COL23A1: variants seen among roughly 807,000 people sequenced by gnomAD.
COL23A1 encodes collagen type XXIII alpha 1 chain, also known as collagen alpha-1(XXIII) chain.
COL23A1 carries 97 observed loss-of-function variants against 99.3 expected under a neutral mutation model. The ratio of observed to expected loss-of-function variants is 0.98; its 90% CI spans 0.83 to 1.16. The LOEUF (loss-of-function observed/expected upper bound fraction) is 1.16. COL23A1 is among the 50% of genes most tolerant of loss of function. The probability of loss-of-function intolerance (pLI) is 0.00; values close to 1 mark genes in which losing one functional copy is unlikely to be tolerated. For missense variants in COL23A1, 762 were observed against 757.4 expected (o/e 1.01, Z -0.07); for synonymous variants, 320 against 308.2 (o/e 1.04, Z -0.40).
At chr5:178,362,256 G>A (rs1227391794) in intron 2 of COL23A1, among the ~76,000 whole-genome samples, 1 of 152,168 alleles carries the variant, frequency 6.6e-6, no homozygotes, top group Non-Finnish European at 1.5e-5. Context: ...TGAATGGAGG[G>A]AGGCTGAGTT....
intron 3 of COL23A1, among the ~76,000 whole-genome samples, chr5:178,297,164 G>A (rs1306687213): frequency 2.0e-5 from 3 of 152,236 alleles, no homozygotes; most frequent in Non-Finnish European, 4.4e-5. Flanking sequence ...TCCTGCAGCC[G>A]GCATGGCATG....
intron 2 of COL23A1, among the ~76,000 whole-genome samples, chr5:178,535,108 G>A (rs1397096794): frequency 6.6e-6 from 1 of 151,684 alleles, no homozygotes; most frequent in Non-Finnish European, 1.5e-5. Flanking sequence ...CAGTAGCTGG[G>A]ATTACAGGCG....
chr5:178,552,930 G>A (rs1762079961), intron 2 of COL23A1, among the ~76,000 whole-genome samples: 1 of 151,910 alleles, frequency 6.6e-6, no homozygotes, highest in South Asian at 2.1e-4. Context: ...GGATGGTCTT[G>A]ATCTTCTGAC....
intron 2 of COL23A1, among the ~76,000 whole-genome samples, chr5:178,454,710 C>T (rs987037924): frequency 2.6e-5 from 4 of 152,242 alleles, no homozygotes; most frequent in Non-Finnish European, 4.4e-5. Context: ...CATCCTCACT[C>T]CTGTGCAACC....
Position 178,296,561 on chromosome 5 carries a change from C to T in COL23A1, c.407-6192G>A, listed in dbSNP as rs567554352. ...CCCAGGCCCCCTTTCTTGGCCACGCCGTTTTTTTTTCCTACCACAGAAAGA... is the reference window on the plus strand; with the variant it reads ...CCCAGGCCCCCTTTCTTGGCCACGCTGTTTTTTTTTCCTACCACAGAAAGA... On this transcript the variant is annotated intron_variant, in intron 3 of 28. Coordinates refer to ENST00000390654, the MANE Select transcript of COL23A1 (RefSeq NM_173465.4). 8.0e-4 allele frequency among the ~76,000 whole-genome samples: 121 copies of T among 152,174 alleles called. 1 individual carries two copies. Among genetic ancestry groups the T allele is most frequent in the South Asian group, 8.3e-4 (4 of 4,822 alleles).
chr5:178,344,911 T>C, intron 2 of COL23A1: 1 of 728,048 alleles, frequency 1.4e-6, no homozygotes, highest in Non-Finnish European at 2.4e-6. Flanking sequence ...GGACAACACG[T>C]AGAGAATTTG....
At chr5:178,565,612 C>G (rs1400698559) in intron 1 of COL23A1, among the ~76,000 whole-genome samples, 1 of 152,128 alleles carries the variant, frequency 6.6e-6, no homozygotes, top group Non-Finnish European at 1.5e-5. Flanking sequence ...ATATTATGGG[C>G]CAGACACTGC....
At chr5:178,543,296 A>C (rs1050395625) in intron 2 of COL23A1, among the ~76,000 whole-genome samples, 1 of 151,942 alleles carries the variant, frequency 6.6e-6, no homozygotes, top group Non-Finnish European at 1.5e-5. Flanking sequence ...TAGTAGAGAC[A>C]AGGTTTCACC....
At chr5:178,569,859 G>A (rs1002855552) in intron 1 of COL23A1, among the ~76,000 whole-genome samples, 2 of 152,148 alleles carry the variant, frequency 1.3e-5, no homozygotes, top group Admixed American at 6.5e-5. Flanking sequence ...GCACATCCCT[G>A]ACTTCAGGAG....
chr5:178,585,205 C>T (rs932770311), intron 1 of COL23A1, among the ~76,000 whole-genome samples: 23 of 152,252 alleles, frequency 1.5e-4, no homozygotes, highest in South Asian at 2.1e-4. Flanking sequence ...AGAACTTAGG[C>T]GGGCCAGTGG....
intron 16 of COL23A1, among the ~76,000 whole-genome samples, chr5:178,252,821 C>T (rs1473251956): frequency 6.6e-6 from 1 of 152,210 alleles, no homozygotes; most frequent in Non-Finnish European, 1.5e-5. Context: ...CAGCATTTGA[C>T]AAGACACCAG....
At chr5:178,329,817 G>A (rs1050823868) in intron 2 of COL23A1, among the ~76,000 whole-genome samples, 8 of 152,034 alleles carry the variant, frequency 5.3e-5, no homozygotes, top group African/African-American at 2.4e-5. Context: ...GGAGTCTGTA[G>A]TCCCAGCTAC....
chr5:178,357,908 GTGTGTGTA>G (rs879614710), intron 2 of COL23A1, among the ~76,000 whole-genome samples: 13,391 of 103,346 alleles, frequency 0.13, 867 homozygotes, highest in Middle Eastern at 0.3. Flanking sequence ...TGTGTCTAAT[GTGTGTGTA>G]TGTGTATGTG....
intron 5 of COL23A1, among the ~76,000 whole-genome samples, chr5:178,274,572 G>A (rs1756478612): frequency 1.0e-5 from 1 of 95,652 alleles, no homozygotes; most frequent in African/African-American, 2.9e-5. Context: ...GTGGTTGGCT[G>A]GGTGTGGGGG....
At chr5:178,550,645 C>G (rs1761948288) in intron 2 of COL23A1, among the ~76,000 whole-genome samples, 1 of 151,924 alleles carries the variant, frequency 6.6e-6, no homozygotes, top group South Asian at 2.1e-4. Flanking sequence ...TGGAATATAC[C>G]CCGGCATAAG....
At chr5:178,368,658 C>G (rs1373218310) in intron 2 of COL23A1, among the ~76,000 whole-genome samples, 1 of 149,714 alleles carries the variant, frequency 6.7e-6, no homozygotes, top group Non-Finnish European at 1.5e-5. Flanking sequence ...GCCTGGCCTC[C>G]AGAAGCCATC....
At chr5:178,449,974 C>T (rs1233692191) in intron 2 of COL23A1, among the ~76,000 whole-genome samples, 1 of 152,120 alleles carries the variant, frequency 6.6e-6, no homozygotes, top group Non-Finnish European at 1.5e-5. Context: ...TCTGCCACAC[C>T]TCAGCAAGTT....
At chr5:178,472,170 A>T (rs1299512289) in intron 2 of COL23A1, among the ~76,000 whole-genome samples, 1 of 152,188 alleles carries the variant, frequency 6.6e-6, no homozygotes, top group Non-Finnish European at 1.5e-5. Context: ...ATTGTTTAAA[A>T]CAACCCCAAG....
chr5:178,553,068 G>A (rs1327808231), intron 2 of COL23A1, among the ~76,000 whole-genome samples: 3 of 151,580 alleles, frequency 2.0e-5, no homozygotes, highest in Non-Finnish European at 4.4e-5. Context: ...TATTATCCCG[G>A]CTGAGGCAGG....
Sources: allele counts gnomAD v4.1 joint callset (sites outside exome capture counted in the v4.1 genomes callset), GRCh38; gene constraint gnomAD v4.1.1; transcripts MANE v1.5; gene names NCBI Gene and HGNC (gene_info 2026-07-23, HGNC 2026-07-21).